Variants in TLK1 observed in about 807,000 individuals in gnomAD.
The protein encoded by TLK1 is tousled like kinase 1.
In TLK1, 24 loss-of-function variants were observed where a neutral mutation model predicts 105.3. The ratio of observed to expected loss-of-function variants is 0.23; its 90% confidence interval spans 0.17 to 0.32. The LOEUF is 0.32. TLK1 is among the 10% of genes least tolerant of loss of function. The probability of loss-of-function intolerance (pLI) is 1.00; values close to 1 mark genes in which losing one functional copy is unlikely to be tolerated. For synonymous variants in TLK1, 321 were observed against 310.4 expected, an observed-to-expected ratio of 1.03 and a Z score of -0.36; for missense variants, 558 against 910.5, an observed-to-expected ratio of 0.61 and a Z score of 4.98.
chr2:171,181,180 G>A (rs1246947568), intron 1 of TLK1, among the ~76,000 whole-genome samples: 2 of 152,166 alleles, frequency 1.3e-5, no homozygotes, highest in African/African-American at 2.4e-5. Flanking sequence ...AAACTTCAAA[G>A]TTGGTAGTTG....
intron 1 of TLK1, among the ~76,000 whole-genome samples, chr2:171,142,396 A>G (rs1210990485): frequency 1.3e-5 from 2 of 152,240 alleles, no homozygotes; most frequent in Admixed American, 6.5e-5. Context: ...ATGCAACTTA[A>G]AAGATATGGC....
chr2:171,030,348 C>T (rs984679293), intron 11 of TLK1, among the ~76,000 whole-genome samples: 2 of 152,136 alleles, frequency 1.3e-5, no homozygotes, highest in Non-Finnish European at 2.9e-5. Flanking sequence ...AACTTCTCTA[C>T]CTAGTCTTAG....
chr2:171,053,612 C>T (rs1480198874), intron 8 of TLK1, 149 bp downstream of exon 8: 1 of 554,082 alleles, frequency 1.8e-6, no homozygotes, highest in East Asian at 3.2e-5. Context: ...CTGCCCGCCT[C>T]GACCTCCCAA....
At chr2:171,110,102 C>T (rs985310733) in intron 2 of TLK1, among the ~76,000 whole-genome samples, 6 of 152,144 alleles carry the variant, frequency 3.9e-5, no homozygotes, top group African/African-American at 9.7e-5. Flanking sequence ...GGGGGGAATA[C>T]GTGAATGGTT....
intron 1 of TLK1, among the ~76,000 whole-genome samples, chr2:171,118,353 T>C (rs2105531654): frequency 6.6e-6 from 1 of 152,356 alleles, no homozygotes; most frequent in Non-Finnish European, 1.5e-5. Flanking sequence ...GAATTGTAAC[T>C]ATGCGACATT....
chr2:171,171,604 A>T (rs1313478093), intron 1 of TLK1, among the ~76,000 whole-genome samples: 1 of 152,202 alleles, frequency 6.6e-6, no homozygotes, highest in Non-Finnish European at 1.5e-5. Context: ...AATATGTAAA[A>T]AGCAAAATAA....
chr2:171,112,332 TATTAA>T (rs1277851037), intron 2 of TLK1, among the ~76,000 whole-genome samples: 3 of 152,244 alleles, frequency 2.0e-5, no homozygotes, highest in Non-Finnish European at 2.9e-5. Context: ...TTTAAGAATC[TATTAA>T]ATTATTGTAT....
intron 1 of TLK1, among the ~76,000 whole-genome samples, chr2:171,149,099 CTTTTTTTTT>C (rs11335300): frequency 5.2e-5 from 3 of 57,894 alleles, no homozygotes; most frequent in Non-Finnish European, 9.2e-5. Context: ...AATTACTTTT[CTTTTTTTTT>C]TTTTTTTTTT....
chr2:171,227,199 C>A (rs1693913005), intron 1 of TLK1, among the ~76,000 whole-genome samples: 1 of 152,134 alleles, frequency 6.6e-6, no homozygotes, highest in South Asian at 2.1e-4. Flanking sequence ...TGACCCTTAC[C>A]CCAGCCCCAA....
intron 2 of TLK1, among the ~76,000 whole-genome samples, chr2:171,117,459 T>C (rs974434052): frequency 2.0e-5 from 3 of 152,154 alleles, no homozygotes; most frequent in South Asian, 2.1e-4. Flanking sequence ...GATAGGACCA[T>C]GGATAATAAG....
chr2:171,069,746 T>C (rs541280391), intron 3 of TLK1, among the ~76,000 whole-genome samples: 56 of 152,356 alleles, frequency 3.7e-4, no homozygotes, highest in Non-Finnish European at 6.6e-4. Flanking sequence ...AGAGGCTATA[T>C]GACATGTGAC....
Position 171,007,011 on chromosome 2 carries a change from T to G in TLK1, c.1469A>C (p.Asn490Thr), listed in dbSNP as rs765618025. The G allele has an allele frequency of 3.7e-6, 6 of 1,610,700 alleles. No homozygotes were observed. In the African/African-American group the frequency reaches 6.7e-5, roughly 18 times the overall value. The stretch of plus-strand genomic sequence containing the variant: ...TTTCTTCTCATCTCTCCAGCTTTTA[T>G]TAAGCTGATGTATCTTCACAGCAGC... ...RYAAVKIHQL[N>T]KSWRDEKKEN... Residue 490 changes from asparagine to threonine, a missense_variant, in exon 15 of 21, where the codon AAT (asparagine) becomes ACT (threonine). Physicochemically the swap from Asn to Thr is moderately conservative, Grantham distance 65. This residue lies in a region of TLK1 where 218 missense variants were observed against 492.9 expected (regional missense o/e 0.44). Coordinates refer to ENST00000431350, the MANE Select transcript of TLK1 (RefSeq NM_012290.5).
chr2:170,994,701 C>A (rs767973420), intron 20 of TLK1: 3 of 517,996 alleles, frequency 5.8e-6, no homozygotes, highest in East Asian at 5.5e-5. Context: ...CTGGCTCTGT[C>A]CCCAGTCGAA....
intron 2 of TLK1, among the ~76,000 whole-genome samples, chr2:171,095,493 C>T (rs1689416008): frequency 6.6e-6 from 1 of 151,868 alleles, no homozygotes. Flanking sequence ...AGTTTTATGC[C>T]AACAAATCAG....
At chr2:171,225,428 C>T (rs537507451) in intron 1 of TLK1, among the ~76,000 whole-genome samples, 1 of 152,076 alleles carries the variant, frequency 6.6e-6, no homozygotes, top group South Asian at 2.1e-4. Flanking sequence ...ATGAGATAGC[C>T]ACCCACCAGG....
intron 1 of TLK1, among the ~76,000 whole-genome samples, chr2:171,190,991 A>G (rs74899504): frequency 0.086 from 13,000 of 151,374 alleles, 1,141 homozygotes; most frequent in East Asian, 0.3. Context: ...GTGAAACCCC[A>G]TCTCTACTAA....
chr2:171,185,693 C>T (rs1486475476), intron 1 of TLK1, among the ~76,000 whole-genome samples: 1 of 152,224 alleles, frequency 6.6e-6, no homozygotes, highest in African/African-American at 2.4e-5. Flanking sequence ...TAGTGTCCTT[C>T]CTTTGTACTC....
chr2:171,005,842 C>T (rs557687428), intron 18 of TLK1, among the ~76,000 whole-genome samples: 5 of 152,192 alleles, frequency 3.3e-5, no homozygotes, highest in South Asian at 2.1e-4. Flanking sequence ...ATGAACATCA[C>T]GCTAACATTG....
intron 1 of TLK1, among the ~76,000 whole-genome samples, chr2:171,194,035 T>C (rs1693213580): frequency 6.6e-6 from 1 of 152,142 alleles, no homozygotes; most frequent in Non-Finnish European, 1.5e-5. Flanking sequence ...GTTTTAATAA[T>C]GGGATTGCCC....
Sources: allele counts gnomAD v4.1 joint callset (sites outside exome capture counted in the v4.1 genomes callset), GRCh38; gene constraint gnomAD v4.1.1; regional missense constraint gnomAD v4.1.1; transcripts MANE v1.5; gene names NCBI Gene and HGNC (gene_info 2026-07-23, HGNC 2026-07-21).